PCNT: variants seen among roughly 807,000 people sequenced by gnomAD.
The protein encoded by PCNT is pericentrin.
PCNT carries 319 observed loss-of-function variants against 380.4 expected under a neutral mutation model. That is an observed-to-expected ratio of 0.84 (90% CI 0.77 to 0.92). The LOEUF (loss-of-function observed/expected upper bound fraction) is 0.92, where lower values mean the gene tolerates loss of function less well. Ranked by LOEUF, PCNT falls within the 40% of genes least tolerant of loss-of-function variation. PCNT has a pLI of 0.00. For synonymous variants in PCNT, 1,845 were observed against 1,735.2 expected (o/e 1.06, Z -1.57); for missense variants, 4,400 against 4,255.3 (o/e 1.03, Z -0.95).
In PCNT at chr21:46,401,597, C is replaced by T. The variant is rs546562229; in HGVS notation, c.4838C>T (p.Ala1613Val). 6.4e-5 allele frequency: 104 copies of T among 1,613,734 alleles called. No individual in the cohort carries two copies. The East Asian group carries it at 2.0e-3, about 30-fold the overall frequency. Residue 1613 changes from alanine (A) to valine (V), a missense_variant, in exon 26 of 47, where the codon GCG becomes GTG. Ala to Val is a moderately conservative substitution (Grantham distance 64). Transcript: ENST00000359568. ...CAGCAGATGAGTAGCTTGCTTCTGG[C>T]GTCCACGTTGCAGTCTACACTAGAT... Reference protein sequence around the residue: ...KKQQMSSLLLASTLQSTLDAG... With the variant: ...KKQQMSSLLLVSTLQSTLDAG...
chr21:46,366,625 C>T lies in PCNT; in HGVS notation c.2651C>T (p.Ala884Val), dbSNP rs752714305. Residue 884 changes from alanine to valine, a missense_variant, in exon 15 of 47, where the codon GCG becomes GTG. Ala to Val is a moderately conservative substitution (Grantham distance 64). Transcript: ENST00000359568. ...ERKEITEKFS[A>V]EQDAFLQEAQ... ...AAAGAGATCACCGAGAAATTCAGTG[C>T]GGAACAAGATGCCTTCCTGCAGGAG... is the stretch of plus-strand genomic sequence containing the variant. 3.3e-5 allele frequency: 54 copies of T among 1,613,912 alleles called. No homozygotes were observed. The highest frequency in any genetic ancestry group is 4.0e-5 in the Non-Finnish European group (47 of 1,179,996).
At chr21:46,342,686 A>G (rs2083943724) in intron 3 of PCNT, among the ~76,000 whole-genome samples, 1 of 152,016 alleles carries the variant, frequency 6.6e-6, no homozygotes, top group Admixed American at 6.6e-5. Flanking sequence ...GAATACAGGC[A>G]TGTGCCACCA....
rs148467299 is a variant in PCNT at position 46,342,307 on chromosome 21, A to G, written c.640-3821A>G. Among the ~76,000 whole-genome samples, 41 of 152,212 alleles carry G rather than the reference A, an allele frequency of 2.7e-4. No individual in the cohort carries two copies. In the East Asian group the frequency reaches 7.4e-3, roughly 27 times the overall value. On this transcript the variant is annotated intron_variant, in intron 3 of 46. Transcript: ENST00000359568. Reference sequence around the variant, plus strand: ...TTTTTAGTAGAGACAGGGTTTCACCATGTCGCCCAGGCTGGTCTTGAACTC... The same window carrying G: ...TTTTTAGTAGAGACAGGGTTTCACCGTGTCGCCCAGGCTGGTCTTGAACTC...
chr21:46,332,949 CA>C (rs1344320570), intron 2 of PCNT, among the ~76,000 whole-genome samples: 4 of 151,794 alleles, frequency 2.6e-5, no homozygotes, highest in African/African-American at 9.7e-5. Context: ...CCTGTCTCTA[CA>C]AAAAAATAAA....
At chr21:46,362,584 T>G (rs961328989) in intron 13 of PCNT, among the ~76,000 whole-genome samples, 6 of 151,520 alleles carry the variant, frequency 4.0e-5, no homozygotes, top group African/African-American at 1.5e-4. Context: ...GTGCCTTTTT[T>G]TGGGTTTTTT....
intron 24 of PCNT, 110 bp downstream of exon 24, chr21:46,398,365 G>T: frequency 1.8e-6 from 2 of 1,133,448 alleles, no homozygotes; most frequent in South Asian, 1.3e-5. Context: ...TGTTTGGGCT[G>T]CAGCCATCTG....
At chr21:46,391,645 T>C (rs1601939163) in intron 21 of PCNT, among the ~76,000 whole-genome samples, 1 of 152,134 alleles carries the variant, frequency 6.6e-6, no homozygotes, top group Admixed American at 6.5e-5. Context: ...TAAGAGGGGC[T>C]CTGAGTCCAA....
intron 26 of PCNT, among the ~76,000 whole-genome samples, 197 bp from the exon 27 acceptor site, chr21:46,402,134 G>A (rs1265341963): frequency 0.058 from 5 of 86 alleles, no homozygotes; most frequent in Admixed American, 0.17. Flanking sequence ...GATTACAGGC[G>A]TGAGCCCATG....
At position 46,385,869 on chromosome 21, in the gene PCNT, A is replaced by G. The variant is rs752598279; in HGVS notation, c.3350A>G (p.Glu1117Gly). The G allele has an allele frequency of 1.2e-6, 2 of 1,614,186 alleles. No individual in the cohort carries two copies. Among genetic ancestry groups the G allele is most frequent in the Non-Finnish European group, 1.7e-6 (2 of 1,179,972 alleles). ...DQVLSLSHEI[E>G]ECRSELEVLQ... is the part of the protein sequence containing the mutation. Reference sequence around the variant, plus strand: ...GTTTTATCCTTAAGTCACGAGATAGAAGAGTGCCGCTCCGAGTTGGAGGTG... The same window carrying G: ...GTTTTATCCTTAAGTCACGAGATAGGAGAGTGCCGCTCCGAGTTGGAGGTG... The change falls in exon 17 of 47, where the codon GAA becomes GGA. Residue 1117 changes from glutamate (E) to glycine (G), a missense_variant. By Grantham distance (98) the Glu-to-Gly change is moderately conservative. Coordinates refer to ENST00000359568, the MANE Select transcript of PCNT (RefSeq NM_006031.6).
intron 3 of PCNT, among the ~76,000 whole-genome samples, chr21:46,339,940 C>G (rs1273013235): frequency 6.6e-6 from 1 of 152,160 alleles, no homozygotes; most frequent in Non-Finnish European, 1.5e-5. Context: ...ATCATACCTT[C>G]TACCTGTTCT....
chr21:46,385,112 C>T (rs750887605), intron 16 of PCNT, among the ~76,000 whole-genome samples: 48 of 152,264 alleles, frequency 3.2e-4, no homozygotes, highest in South Asian at 6.2e-4. Context: ...CCCAGCACTT[C>T]GGGAGGCTGA....
chr21:46,428,323 CG>C lies in PCNT; in HGVS notation c.7495-69del, dbSNP rs2087595396. On this transcript the variant is annotated intron_variant, in intron 34 of 46. Transcript: ENST00000359568. ...GTCCCGGCGGAGCTGGTTTTGAGGGCGGGCAGCAGGGAAGGCCGGGGCATGG... is the reference window on the plus strand; with the variant it reads ...GTCCCGGCGGAGCTGGTTTTGAGGGCGGCAGCAGGGAAGGCCGGGGCATGG... 11 of 1,392,600 alleles carry C rather than the reference CG, an allele frequency of 7.9e-6. No individual in the cohort carries two copies. The South Asian group carries it at 1.2e-4, about 15-fold the overall frequency. 86.3% of individuals were successfully genotyped at this position (1,392,600 alleles called of 1,614,324 possible).
intron 35 of PCNT, 36 bp from the exon 36 acceptor site, chr21:46,429,974 C>A: frequency 6.4e-7 from 1 of 1,559,540 alleles, no homozygotes; most frequent in South Asian, 1.1e-5. Context: ...ACGAGGAGCT[C>A]ATGGGGGCCT....
chr21:46,393,212 C>G (rs2086093185), intron 21 of PCNT, among the ~76,000 whole-genome samples: 1 of 152,198 alleles, frequency 6.6e-6, no homozygotes, highest in Non-Finnish European at 1.5e-5. Context: ...GGCCTGGAGT[C>G]TCTTCAGGTC....
At position 46,349,766 on chromosome 21, in the gene PCNT, T is replaced by A; in HGVS notation, c.1290T>A (p.Cys430Ter). The A allele has an allele frequency of 6.2e-7, 1 of 1,614,142 alleles. No homozygotes were observed. The highest frequency in any genetic ancestry group is 8.5e-7 in the Non-Finnish European group (1 of 1,179,982). The change falls in exon 8 of 47, where the codon TGT becomes TGA. Residue 430 changes from cysteine to a stop codon, truncating the protein, a stop_gained. Coordinates refer to ENST00000359568, the MANE Select transcript of PCNT (RefSeq NM_006031.6). LOFTEE classifies it high-confidence loss of function. The stretch of plus-strand genomic sequence containing the variant: ...ACCTGCAGTCCGAGCACGGCCGGTG[T>A]TTAGAAGACTTGGAGTTCAAGTTCA... ...REDLQSEHGR[C>*]LEDLEFKFKE...
chr21:46,409,172 G>A (rs2086706620), intron 27 of PCNT, among the ~76,000 whole-genome samples: 1 of 148,946 alleles, frequency 6.7e-6, no homozygotes, highest in Non-Finnish European at 1.5e-5. Context: ...AGTATGTTTT[G>A]CAGAGCAAAA....
chr21:46,435,810 A>G lies in PCNT; in HGVS notation c.8752-94A>G, dbSNP rs758728266. On this transcript the variant is annotated intron_variant, in intron 38 of 46. Transcript: ENST00000359568. ...GCCCGCCTCGGCCTCCCAAAGTGCTAGGATTACAGGCATGAACCACCGCGC... is the reference window on the plus strand; with the variant it reads ...GCCCGCCTCGGCCTCCCAAAGTGCTGGGATTACAGGCATGAACCACCGCGC... The G allele has an allele frequency of 2.1e-3, 3,038 of 1,461,276 alleles. 9 individuals are homozygous for G. The highest frequency in any genetic ancestry group is 2.6e-3 in the Non-Finnish European group (2,704 of 1,049,798). The allele number at this position is 1,461,276 out of a possible 1,614,324, so 90.5% of individuals were successfully genotyped here. A position where few individuals can be genotyped will look rare whatever the true frequency, so the allele number is the denominator to read the frequency against.
chr21:46,359,491 G>GT lies in PCNT; in HGVS notation c.2154+2316dup, dbSNP rs1219693835. Among the ~76,000 whole-genome samples, 155 of 66,054 alleles carry GT rather than the reference G, an allele frequency of 2.3e-3. 17 individuals are homozygous for GT. Among genetic ancestry groups the GT allele is most frequent in the Middle Eastern group, 0.016 (1 of 62 alleles). The allele number at this position is 66,054 out of a possible 152,430, so 43.3% of individuals were successfully genotyped here. The stretch of plus-strand genomic sequence containing the variant: ...CCAAAAATACACCTGTTTTTTTTTT[G>GT]TTTTTTTTTTTTTTTTGAGACAGTG... On this transcript the variant is annotated intron_variant, in intron 13 of 46. Transcript: ENST00000359568.
chr21:46,428,724 G>A, intron 35 of PCNT, 134 bp downstream of exon 35: 2 of 837,372 alleles, frequency 2.4e-6, no homozygotes, highest in Non-Finnish European at 3.8e-6. Context: ...TGCCATGGTT[G>A]TCAGCTGATA....
Sources: gnomAD v4.1 joint callset for allele counts (sites outside exome capture counted in the v4.1 genomes callset) on GRCh38, gnomAD v4.1.1 for gene constraint, MANE v1.5 for transcripts, NCBI Gene and HGNC (gene_info 2026-07-23, HGNC 2026-07-21) for gene names.